The following ANKRD11 variants were observed in gnomAD, a reference collection of about 807,000 sequenced individuals.
The protein encoded by ANKRD11 is ankyrin repeat domain 11, also known as ankyrin repeat domain-containing protein 11.
ANKRD11 carries 17 observed loss-of-function variants against 195.7 expected under a neutral mutation model. That is an observed-to-expected ratio of 0.09 (90% CI 0.06 to 0.13). The LOEUF is 0.13. Among genes scored for constraint, ANKRD11 ranks in the 10% least tolerant of loss-of-function variants. ANKRD11 has a pLI of 1.00. For missense variants in ANKRD11, 3,735 were observed against 3,566.1 expected (o/e 1.05, Z -1.21); for synonymous variants, 1,953 against 1,528.1 (o/e 1.28, Z -6.49).
intron 2 of ANKRD11, among the ~76,000 whole-genome samples, chr16:89,318,901 T>G (rs533377340): frequency 2.0e-5 from 3 of 152,116 alleles, no homozygotes; most frequent in Non-Finnish European, 4.4e-5. Flanking sequence ...CCAGACATAT[T>G]TTCTCTCTCT....
chr16:89,424,430 A>C (rs191122864), intron 1 of ANKRD11, among the ~76,000 whole-genome samples: 1 of 133,918 alleles, frequency 7.5e-6, no homozygotes, highest in Non-Finnish European at 1.6e-5. Flanking sequence ...GACAAGAGCA[A>C]AACTCTGTCT....
intron 3 of ANKRD11, among the ~76,000 whole-genome samples, chr16:89,312,505 G>A (rs932291017): frequency 1.3e-5 from 2 of 152,224 alleles, no homozygotes; most frequent in African/African-American, 4.8e-5. Flanking sequence ...CGTGTGCTCT[G>A]AGCCCTAAGA....
At position 89,279,207 on chromosome 16, in the gene ANKRD11, C is replaced by T. The variant is rs771685396; in HGVS notation, c.7335G>A (p.Arg2445=). The change falls in exon 9 of 13, where the codon AGG becomes AGA. Residue 2445 remains arginine (R), a synonymous_variant. Coordinates refer to ENST00000301030, the MANE Select transcript of ANKRD11 (RefSeq NM_013275.6). The surrounding 1 kb of genome is among the most constrained non-coding windows in gnomAD (Gnocchi z 5.6). ...ANPYFEYLQI[R]KKIEEKRKIL... Reference sequence around the variant, plus strand: ...TCTTGCGCTTCTCCTCGATCTTCTTCCTGATCTGCAGGTATTCGAAGTAGG... The same window carrying T: ...TCTTGCGCTTCTCCTCGATCTTCTTTCTGATCTGCAGGTATTCGAAGTAGG... The T allele has an allele frequency of 2.8e-5, 45 of 1,612,246 alleles. No individual in the cohort carries two copies. Among genetic ancestry groups the T allele is most frequent in the Non-Finnish European group, 1.6e-5 (19 of 1,179,848 alleles).
intron 2 of ANKRD11, among the ~76,000 whole-genome samples, chr16:89,364,394 G>A (rs528503201): frequency 6.6e-6 from 1 of 152,286 alleles, no homozygotes; most frequent in East Asian, 1.9e-4. Flanking sequence ...CACCGCAATA[G>A]GTAACTGAAA....
rs564540750 is a variant in ANKRD11 at position 89,362,148 on chromosome 16, G to T, written c.-59-45070C>A. On this transcript the variant is annotated intron_variant, in intron 2 of 12. Coordinates refer to ENST00000301030, the MANE Select transcript of ANKRD11 (RefSeq NM_013275.6). The stretch of plus-strand genomic sequence containing the variant: ...CAATCTGACATGTGGCTTAACAAAT[G>T]TGAGTGGATTAGGGGATTTTTGTTT... 5.0e-4 allele frequency among the ~76,000 whole-genome samples: 76 copies of T among 152,374 alleles called. 2 individuals are homozygous for T. The South Asian group carries it at 0.016, about 31-fold the overall frequency.
At chr16:89,472,491 G>A (rs544160306) in intron 1 of ANKRD11, among the ~76,000 whole-genome samples, 16 of 152,250 alleles carry the variant, frequency 1.1e-4, no homozygotes, top group East Asian at 7.7e-4. Context: ...AGCAGGACCC[G>A]AGTCACCAGC....
intron 11 of ANKRD11, chr16:89,273,141 A>T (rs546079322): frequency 6.6e-6 from 1 of 152,016 alleles, no homozygotes; most frequent in Non-Finnish European, 1.5e-5. Context: ...TGTGTATTTT[A>T]AAATAACATA....
chr16:89,374,702 C>G (rs1204168634), intron 2 of ANKRD11, among the ~76,000 whole-genome samples: 2 of 152,200 alleles, frequency 1.3e-5, no homozygotes, highest in South Asian at 2.1e-4. Flanking sequence ...CACTTCAACT[C>G]TGCTCAGGTA....
intron 2 of ANKRD11, among the ~76,000 whole-genome samples, chr16:89,347,417 GGC>G (rs1164494835): frequency 6.6e-6 from 1 of 152,120 alleles, no homozygotes; most frequent in Non-Finnish European, 1.5e-5. Flanking sequence ...AGACCATCCT[GGC>G]TAGCACGGTG....
At chr16:89,304,351 C>T (rs988641592) in intron 4 of ANKRD11, among the ~76,000 whole-genome samples, 4 of 150,880 alleles carry the variant, frequency 2.7e-5, no homozygotes, top group Admixed American at 6.6e-5. Flanking sequence ...CACACACGGG[C>T]GCATACACAG....
chr16:89,286,436 C>A, intron 7 of ANKRD11: 1 of 618,916 alleles, frequency 1.6e-6, no homozygotes, highest in South Asian at 1.9e-5. Flanking sequence ...CTGTGCTCTC[C>A]TTCAGAAGGG....
chr16:89,319,690 A>T (rs1479548043), intron 2 of ANKRD11, among the ~76,000 whole-genome samples: 1 of 152,248 alleles, frequency 6.6e-6, no homozygotes, highest in East Asian at 1.9e-4. Context: ...GTCCTGCTGA[A>T]GCATCTGCTG....
In ANKRD11 at chr16:89,279,015, G is replaced by C. The variant is rs909091797; in HGVS notation, c.7470+57C>G. 8 of 1,604,186 alleles carry C rather than the reference G, an allele frequency of 5.0e-6. No homozygotes were observed. Among genetic ancestry groups the C allele is most frequent in the Non-Finnish European group, 6.0e-6 (7 of 1,175,924 alleles). On this transcript the variant is annotated intron_variant, in intron 9 of 12. Coordinates refer to ENST00000301030, the MANE Select transcript of ANKRD11 (RefSeq NM_013275.6). The surrounding 1 kb of genome is among the most constrained non-coding windows in gnomAD (Gnocchi z 5.6). Reference sequence around the variant, plus strand: ...CGGGCTGGAGGAAGCCGTGACTAGGGGCCCCAGACGCATCCCAGAGAGAGA... The same window carrying C: ...CGGGCTGGAGGAAGCCGTGACTAGGCGCCCCAGACGCATCCCAGAGAGAGA...
At chr16:89,424,584 A>G (rs915534450) in intron 1 of ANKRD11, among the ~76,000 whole-genome samples, 1 of 152,140 alleles carries the variant, frequency 6.6e-6, no homozygotes, top group Non-Finnish European at 1.5e-5. Flanking sequence ...CACGGAGACC[A>G]CTCAGCAACA....
chr16:89,387,477 C>G (rs1267279599), intron 2 of ANKRD11, among the ~76,000 whole-genome samples: 1 of 150,692 alleles, frequency 6.6e-6, no homozygotes, highest in Non-Finnish European at 1.5e-5. Context: ...CCGAGACCAT[C>G]CCGGCTAACA....
intron 11 of ANKRD11, among the ~76,000 whole-genome samples, chr16:89,274,100 G>A (rs555658434): frequency 8.3e-4 from 126 of 152,328 alleles, no homozygotes; most frequent in African/African-American, 3.0e-3. Context: ...GTGGCTGGAG[G>A]ATGATTTCTG....
At chr16:89,422,486 C>T (rs970068482) in intron 1 of ANKRD11, among the ~76,000 whole-genome samples, 2 of 152,162 alleles carry the variant, frequency 1.3e-5, no homozygotes, top group African/African-American at 2.4e-5. Flanking sequence ...GGCATCCTAC[C>T]GGACTCCACT....
At chr16:89,365,740 G>A (rs1013656387) in intron 2 of ANKRD11, among the ~76,000 whole-genome samples, 3 of 151,990 alleles carry the variant, frequency 2.0e-5, no homozygotes, top group East Asian at 1.9e-4. Context: ...TTTTAGGTTC[G>A]GGTTGCAGGT....
At chr16:89,483,528 G>C (rs1025561278) in intron 1 of ANKRD11, among the ~76,000 whole-genome samples, 1 of 152,206 alleles carries the variant, frequency 6.6e-6, no homozygotes, top group Admixed American at 6.5e-5. Flanking sequence ...GGGGAAAAAT[G>C]CCTGTGAGAA....
Sources: gnomAD v4.1 joint callset for allele counts (sites outside exome capture counted in the v4.1 genomes callset) on GRCh38, gnomAD v4.1.1 for gene constraint, Gnocchi (gnomAD v3.1) non-coding constraint, MANE v1.5 for transcripts, NCBI Gene and HGNC (gene_info 2026-07-23, HGNC 2026-07-21) for gene names.